Variants in KCNS3 observed in about 807,000 individuals in gnomAD.
The protein encoded by KCNS3 is potassium voltage-gated channel modifier subfamily S member 3.
A neutral mutation model predicts 31.0 loss-of-function variants in KCNS3; 13 were observed. The observed-to-expected ratio is 0.42, with a 90% CI of 0.27 to 0.67. The LOEUF (loss-of-function observed/expected upper bound fraction) is 0.67. Ranked by LOEUF, KCNS3 falls within the 30% of genes least tolerant of loss-of-function variation. The pLI is 0.25. For synonymous variants in KCNS3, 238 were observed against 241.5 expected (o/e 0.99, Z 0.13); for missense variants, 545 against 622.4 (o/e 0.88, Z 1.32).
chr2:17,923,649 A>T (rs966135264), intron 2 of KCNS3, among the ~76,000 whole-genome samples: 5 of 152,022 alleles, frequency 3.3e-5, no homozygotes, highest in Non-Finnish European at 5.9e-5. Context: ...TAATTTTTGT[A>T]TATAGTGTGG....
chr2:17,893,951 T>TTTTTTTA (rs1661923356), intron 1 of KCNS3, among the ~76,000 whole-genome samples: 1 of 148,450 alleles, frequency 6.7e-6, no homozygotes, highest in Non-Finnish European at 1.5e-5. Context: ...TTTTTTTTTT[T>TTTTTTTA]TTTTTTTTTT....
At chr2:17,884,303 A>T (rs1205204366) in intron 1 of KCNS3, among the ~76,000 whole-genome samples, 26 of 138,338 alleles carry the variant, frequency 1.9e-4, no homozygotes, top group African/African-American at 6.3e-4. Flanking sequence ...ATATATATAT[A>T]TTTAAAAAGA....
intron 1 of KCNS3, among the ~76,000 whole-genome samples, chr2:17,883,004 C>T (rs1674678047): frequency 6.6e-6 from 1 of 152,180 alleles, no homozygotes; most frequent in Non-Finnish European, 1.5e-5. Flanking sequence ...GAATCCTGCA[C>T]AGCCTTGCAC....
chr2:17,884,271 ATATATATATATATAT>A (rs1674717114), intron 1 of KCNS3, among the ~76,000 whole-genome samples: 13 of 33,826 alleles, frequency 3.8e-4, no homozygotes, highest in African/African-American at 9.0e-4. Flanking sequence ...AAAAAAAAAT[ATATATATATATATAT>A]ATATATATAT....
At chr2:17,886,944 T>C (rs923070829) in intron 1 of KCNS3, among the ~76,000 whole-genome samples, 2 of 144,962 alleles carry the variant, frequency 1.4e-5, no homozygotes, top group Non-Finnish European at 3.0e-5. Flanking sequence ...CTTTGTTTTT[T>C]AAGCAGGTTC....
In KCNS3 at chr2:17,930,972, T is replaced by C. The variant is rs754196566; in HGVS notation, c.-37T>C. The C allele has an allele frequency of 1.3e-6, 2 of 1,590,014 alleles. No individual in the cohort carries two copies. Among genetic ancestry groups the C allele is most frequent in the Admixed American group, 3.4e-5 (2 of 58,582 alleles). ...CAGGTGCAGCCTGATCTTCCTCTTC[T>C]CCCTTGCCAGCCAGCACTCTGCCTT... On this transcript the variant is annotated 5_prime_UTR_variant, in exon 3 of 3. Transcript: ENST00000304101.
At chr2:17,903,848 A>G (rs1488908463) in intron 1 of KCNS3, among the ~76,000 whole-genome samples, 1 of 152,262 alleles carries the variant, frequency 6.6e-6, no homozygotes, top group East Asian at 1.9e-4. Context: ...TTCTTAATCC[A>G]GTCTATCATT....
At position 17,932,490 on chromosome 2, in the gene KCNS3, G is replaced by A. The variant is rs1663027032; in HGVS notation, c.*6G>A. The A allele has an allele frequency of 5.0e-6, 8 of 1,600,234 alleles. No individual in the cohort carries two copies. The highest frequency in any genetic ancestry group is 6.8e-6 in the Non-Finnish European group (8 of 1,173,438). ...AGAATTGCACAGCAAAATGAGCGGG[G>A]GTGTTTGTGCCTGTTTCTCTTATCC... On this transcript the variant is annotated 3_prime_UTR_variant, in exon 3 of 3. Transcript: ENST00000304101.
At chr2:17,899,023 C>T (rs1057327342) in intron 1 of KCNS3, among the ~76,000 whole-genome samples, 2 of 152,074 alleles carry the variant, frequency 1.3e-5, no homozygotes, top group African/African-American at 2.4e-5. Context: ...GTCAAGAGAT[C>T]GAGACCATCC....
chr2:17,923,207 T>C (rs914168571), intron 2 of KCNS3, among the ~76,000 whole-genome samples: 1 of 152,190 alleles, frequency 6.6e-6, no homozygotes, highest in Non-Finnish European at 1.5e-5. Context: ...ATTTGCATTT[T>C]CCTAATGTCT....
chr2:17,929,052 A>G (rs1273873932), intron 2 of KCNS3, among the ~76,000 whole-genome samples: 1 of 152,172 alleles, frequency 6.6e-6, no homozygotes, highest in Non-Finnish European at 1.5e-5. Flanking sequence ...TTTCTAAGTC[A>G]CAGTCACAAA....
At chr2:17,885,635 C>G (rs1163555018) in intron 1 of KCNS3, among the ~76,000 whole-genome samples, 2 of 152,152 alleles carry the variant, frequency 1.3e-5, no homozygotes, top group East Asian at 3.9e-4. Context: ...CTAGAAAATT[C>G]TTTCCTGTTT....
rs539101925 is a variant in KCNS3, at chr2:17,901,782, T to C, written c.-251-15898T>C. On this transcript the variant is annotated intron_variant, in intron 1 of 2. Coordinates refer to ENST00000304101, the MANE Select transcript of KCNS3 (RefSeq NM_002252.5). ...GATGATATTAAAACAGGAAGAACCA[T>C]AGTTGCCAACATTTAAAAAATTGGG... is the stretch of plus-strand genomic sequence containing the variant. 1.1e-4 allele frequency among the ~76,000 whole-genome samples: 17 copies of C among 152,102 alleles called. No homozygotes were observed. The South Asian group carries it at 2.9e-3, about 26-fold the overall frequency.
chr2:17,891,215 A>G (rs1348285414), intron 1 of KCNS3, among the ~76,000 whole-genome samples: 7 of 152,178 alleles, frequency 4.6e-5, no homozygotes, highest in African/African-American at 1.7e-4. Context: ...TGTCTGATAT[A>G]AGAATAGCTA....
At chr2:17,888,514 A>C (rs987549017) in intron 1 of KCNS3, among the ~76,000 whole-genome samples, 2 of 151,040 alleles carry the variant, frequency 1.3e-5, no homozygotes, top group Admixed American at 1.3e-4. Context: ...AGATATACCT[A>C]ATGTAAATGA....
At chr2:17,919,774 T>C (rs1379911942) in intron 2 of KCNS3, 1 of 152,242 alleles carries the variant, frequency 6.6e-6, no homozygotes, top group African/African-American at 2.4e-5. Flanking sequence ...ATTCACGCTT[T>C]ACAGCAAGCC....
chr2:17,895,911 A>G (rs1039399472), intron 1 of KCNS3, among the ~76,000 whole-genome samples: 2 of 152,166 alleles, frequency 1.3e-5, no homozygotes, highest in African/African-American at 2.4e-5. Flanking sequence ...AGGCAGAGGT[A>G]TGAGGTATAT....
upstream of KCNS3, among the ~76,000 whole-genome samples, chr2:17,878,352 G>T (rs2125227495): frequency 6.6e-6 from 1 of 151,750 alleles, no homozygotes; most frequent in Non-Finnish European, 1.5e-5. Flanking sequence ...GGCGCGGGGC[G>T]CGCTCCTGGT....
intron 1 of KCNS3, among the ~76,000 whole-genome samples, chr2:17,917,416 A>G: frequency 6.6e-6 from 1 of 152,132 alleles, no homozygotes; most frequent in East Asian, 1.9e-4. Context: ...TTTTATCTTT[A>G]GATGTTTTAG....
Sources: allele counts gnomAD v4.1 joint callset (sites outside exome capture counted in the v4.1 genomes callset), GRCh38; gene constraint gnomAD v4.1.1; transcripts MANE v1.5; gene names NCBI Gene and HGNC (gene_info 2026-07-23, HGNC 2026-07-21).